CD38: variants seen among roughly 807,000 people sequenced by gnomAD.
CD38 encodes the protein CD38 molecule.
In CD38, 31 loss-of-function variants were observed where a neutral mutation model predicts 36.3. That is an observed-to-expected ratio of 0.85 (90% CI 0.64 to 1.15). The LOEUF is 1.15. CD38 is among the 50% of genes most tolerant of loss of function. The pLI is 0.00. For synonymous variants in CD38, 131 were observed against 135.2 expected, an observed-to-expected ratio of 0.97 and a Z score of 0.22; for missense variants, 380 against 371.9, an observed-to-expected ratio of 1.02 and a Z score of -0.18.
rs758976827 is a variant in CD38, at chr4:15,840,019, AT to A, written c.660-3del. 1.9e-6 allele frequency: 3 copies of A among 1,606,354 alleles called. No individual in the cohort carries two copies. Among genetic ancestry groups the A allele is most frequent in the Non-Finnish European group, 2.6e-6 (3 of 1,173,212 alleles). On this transcript the variant is annotated splice_polypyrimidine_tract_variant and splice_region_variant and intron_variant, in intron 5 of 7. Transcript: ENST00000226279. ...ATGTTTGGGGTTCTTTGTTTCTTCT[AT>A]TTTAGCACTTTTGGGAGTGTGGAAG...
intron 1 of CD38, among the ~76,000 whole-genome samples, chr4:15,805,165 T>C (rs1383509405): frequency 6.6e-6 from 1 of 152,224 alleles, no homozygotes; most frequent in Non-Finnish European, 1.5e-5. Context: ...ATATTTTCTT[T>C]CATTTTATGA....
At chr4:15,827,314 G>T (rs1723870089) in intron 3 of CD38, among the ~76,000 whole-genome samples, 1 of 151,862 alleles carries the variant, frequency 6.6e-6, no homozygotes, top group Admixed American at 6.6e-5. Context: ...GGTGTTTATG[G>T]TCTGTCTTTT....
At position 15,778,642 on chromosome 4, in the gene CD38, G is replaced by A; in HGVS notation, c.228G>A (p.Glu76=). The A allele has an allele frequency of 6.2e-7, 1 of 1,609,304 alleles. No homozygotes were observed. The highest frequency in any genetic ancestry group is 8.5e-7 in the Non-Finnish European group (1 of 1,176,054). Residue 76 remains glutamate (E), a synonymous_variant, in exon 1 of 8, where the codon GAG becomes GAA. Transcript: ENST00000226279. The surrounding 1 kb of genome is among the most constrained non-coding windows in gnomAD (Gnocchi z 4.9). ...TCAAGTACACTGAAATTCATCCTGAGATGAGGTGGGTTGGCGACTAAGGCG... is the reference window on the plus strand; with the variant it reads ...TCAAGTACACTGAAATTCATCCTGAAATGAGGTGGGTTGGCGACTAAGGCG... ...RCVKYTEIHP[E]MRHVDCQSVW...
chr4:15,786,770 G>A (rs576603862), intron 1 of CD38, among the ~76,000 whole-genome samples: 1 of 152,362 alleles, frequency 6.6e-6, no homozygotes, highest in African/African-American at 2.4e-5. Flanking sequence ...GGGACGCCAG[G>A]GAGCAGGGCG....
At chr4:15,820,531 T>G (rs1306724294) in intron 2 of CD38, among the ~76,000 whole-genome samples, 2 of 151,006 alleles carry the variant, frequency 1.3e-5, no homozygotes, top group African/African-American at 4.9e-5. Flanking sequence ...AGAGCAGGGG[T>G]TGCAATCCTA....
At chr4:15,780,518 TCACA>T (rs59324393) in intron 1 of CD38, among the ~76,000 whole-genome samples, 52,405 of 139,464 alleles carry the variant, frequency 0.38, 9,955 homozygotes, top group Non-Finnish European at 0.42. Context: ...ATTCTCTCTC[TCACA>T]CACACACACA....
At chr4:15,808,726 G>A (rs1240561730) in intron 1 of CD38, among the ~76,000 whole-genome samples, 1 of 152,212 alleles carries the variant, frequency 6.6e-6, no homozygotes, top group Admixed American at 6.5e-5. Flanking sequence ...AGTTCAAAAT[G>A]ATGTTATGAA....
intron 1 of CD38, among the ~76,000 whole-genome samples, chr4:15,815,909 A>G (rs2148922083): frequency 6.6e-6 from 1 of 152,300 alleles, no homozygotes; most frequent in South Asian, 2.1e-4. Context: ...TTTTTCAGAA[A>G]TAGCTCTTAT....
At chr4:15,823,839 A>C (rs1043425085) in intron 2 of CD38, among the ~76,000 whole-genome samples, 1 of 152,246 alleles carries the variant, frequency 6.6e-6, no homozygotes, top group Admixed American at 6.5e-5. Context: ...TCTATTATAA[A>C]GATATGTGCA....
chr4:15,821,359 T>C (rs1723730043), intron 2 of CD38, among the ~76,000 whole-genome samples: 1 of 147,006 alleles, frequency 6.8e-6, no homozygotes, highest in African/African-American at 2.5e-5. Context: ...CTGAAGGAGA[T>C]AGAGACACAA....
At position 15,838,562 on chromosome 4, in the gene CD38, G is replaced by A. The variant is rs574893271; in HGVS notation, c.659+397G>A. Among the ~76,000 whole-genome samples the A allele has an allele frequency of 4.6e-5, 7 of 152,178 alleles. No homozygotes were observed. In the East Asian group the frequency reaches 1.2e-3, roughly 25 times the overall value. On this transcript the variant is annotated intron_variant, in intron 5 of 7. Transcript: ENST00000226279. ...TTCTGTCTAAATCTTCACCATCCATGAAGACCTGCCTTGACCCTCCTCTCC... is the reference window on the plus strand; with the variant it reads ...TTCTGTCTAAATCTTCACCATCCATAAAGACCTGCCTTGACCCTCCTCTCC...
chr4:15,802,992 A>G (rs1478409534), intron 1 of CD38, among the ~76,000 whole-genome samples: 2 of 152,248 alleles, frequency 1.3e-5, no homozygotes, highest in African/African-American at 2.4e-5. Flanking sequence ...ATAAATTCAC[A>G]TATTTATGGC....
chr4:15,820,838 C>T (rs1723716159), intron 2 of CD38, among the ~76,000 whole-genome samples: 1 of 152,186 alleles, frequency 6.6e-6, no homozygotes, highest in African/African-American at 2.4e-5. Context: ...ATCAAGTGGA[C>T]CTGATGGATA....
chr4:15,837,306 G>C (rs1187808125), intron 4 of CD38, among the ~76,000 whole-genome samples: 1 of 152,088 alleles, frequency 6.6e-6, no homozygotes, highest in Non-Finnish European at 1.5e-5. Context: ...TCTTTTTTCA[G>C]ACTTGTCCCT....
At chr4:15,801,102 A>G (rs1042312065) in intron 1 of CD38, among the ~76,000 whole-genome samples, 1 of 152,050 alleles carries the variant, frequency 6.6e-6, no homozygotes. Flanking sequence ...AGGAGATGTT[A>G]CAATTGATAC....
chr4:15,822,006 G>T (rs1217729750), intron 2 of CD38, among the ~76,000 whole-genome samples: 1 of 152,162 alleles, frequency 6.6e-6, no homozygotes, highest in Non-Finnish European at 1.5e-5. Context: ...GATCAAGTTG[G>T]CTTCATCCTC....
intron 1 of CD38, among the ~76,000 whole-genome samples, chr4:15,806,867 T>C (rs1452180684): frequency 6.6e-6 from 1 of 152,204 alleles, no homozygotes; most frequent in East Asian, 1.9e-4. Flanking sequence ...TTCTCCAGCC[T>C]TCTAGGTAAA....
At chr4:15,780,520 AC>A (rs1560303786) in intron 1 of CD38, among the ~76,000 whole-genome samples, 4 of 5,318 alleles carry the variant, frequency 7.5e-4, no homozygotes, top group African/African-American at 1.2e-3. Flanking sequence ...TCTCTCTCTC[AC>A]ACACACACAC....
At chr4:15,807,794 A>G (rs1723374756) in intron 1 of CD38, among the ~76,000 whole-genome samples, 1 of 152,228 alleles carries the variant, frequency 6.6e-6, no homozygotes. Flanking sequence ...TCTCTAGAAT[A>G]CCCTTAGCAG....
Sources: gnomAD v4.1 joint callset for allele counts (sites outside exome capture counted in the v4.1 genomes callset) on GRCh38, gnomAD v4.1.1 for gene constraint, Gnocchi (gnomAD v3.1) non-coding constraint, MANE v1.5 for transcripts, NCBI Gene and HGNC (gene_info 2026-07-23, HGNC 2026-07-21) for gene names.